Variants in GBA1 observed in about 807,000 individuals in gnomAD.
GBA1 encodes the protein glucosylceramidase beta 1, also known as lysosomal acid glucosylceramidase.
the GBA1 span, among the ~76,000 whole-genome samples, chr1:155,242,071 C>T: frequency 6.6e-6 from 1 of 152,184 alleles, no homozygotes; most frequent in Admixed American, 6.6e-5. Context: ...CAGTCATGAC[C>T]TGACTAATCC....
chr1:155,236,923 G>A, the GBA1 span, among the ~76,000 whole-genome samples: 4 of 152,020 alleles, frequency 2.6e-5, no homozygotes, highest in African/African-American at 9.7e-5. Flanking sequence ...GGAGTGCAGT[G>A]GCGCGATCTC....
the GBA1 span, chr1:155,238,827 G>A: frequency 2.1e-5 from 14 of 674,618 alleles, no homozygotes; most frequent in Non-Finnish European, 3.7e-5. Flanking sequence ...CTGAGCCTGA[G>A]TCCGTAGCAG....
At chr1:155,240,196 G>C in the GBA1 span, 3 of 869,930 alleles carry the variant, frequency 3.4e-6, no homozygotes, top group Middle Eastern at 2.6e-4. Flanking sequence ...GGGCGCAGGG[G>C]CTCACACCTG....
chr1:155,241,932 A>C, the GBA1 span, among the ~76,000 whole-genome samples: 40 of 152,174 alleles, frequency 2.6e-4, no homozygotes, highest in Non-Finnish European at 3.2e-4. Context: ...CAAGACAGGG[A>C]GGTTTGTAAA....
chr1:155,240,239 G>A, the GBA1 span: 4,939 of 660,242 alleles, frequency 7.5e-3, 167 homozygotes, highest in African/African-American at 0.077. Flanking sequence ...CGAGGTGGGC[G>A]GATCACCTGA....
chr1:155,237,208 C>T, the GBA1 span: 1 of 1,508,414 alleles, frequency 6.6e-7, no homozygotes, highest in Admixed American at 2.0e-5. Flanking sequence ...GGATCCATGG[C>T]ACCCTGGAGG....
chr1:155,237,593 G>GT, the GBA1 span: 1 of 1,612,998 alleles, frequency 6.2e-7, no homozygotes, highest in Non-Finnish European at 8.5e-7. Context: ...CAAGAGAAAG[G>GT]TCATGAATGA....
the GBA1 span, chr1:155,239,708 C>G: frequency 6.2e-7 from 1 of 1,614,082 alleles, no homozygotes; most frequent in Non-Finnish European, 8.5e-7. Context: ...CATGGCCCCT[C>G]CAAATCCCTT....
the GBA1 span, among the ~76,000 whole-genome samples, chr1:155,236,787 G>A: frequency 4.0e-5 from 6 of 151,236 alleles, no homozygotes; most frequent in African/African-American, 7.3e-5. Context: ...GTGTGTGTGT[G>A]TATATATATA....
chr1:155,237,130 A>T, the GBA1 span, among the ~76,000 whole-genome samples: 1 of 151,994 alleles, frequency 6.6e-6, no homozygotes, highest in Non-Finnish European at 1.5e-5. Flanking sequence ...TCGGCTTCCC[A>T]AAGTGCTGGG....
chr1:155,241,249 C>T, the GBA1 span: 17 of 802,472 alleles, frequency 2.1e-5, no homozygotes, highest in East Asian at 7.7e-5. Flanking sequence ...CAAGTAATTC[C>T]GGCTTCCCGA....
the GBA1 span, chr1:155,241,268 G>A: frequency 1.4e-6 from 1 of 716,752 alleles, no homozygotes; most frequent in Non-Finnish European, 2.5e-6. Flanking sequence ...GATGTGGATG[G>A]GTCATGTGAT....
At chr1:155,242,258 T>C in the GBA1 span, among the ~76,000 whole-genome samples, 5 of 152,366 alleles carry the variant, frequency 3.3e-5, no homozygotes, top group Admixed American at 1.3e-4. Flanking sequence ...AGTCTCACTC[T>C]GTTGCCCAGG....
At chr1:155,243,693 A>G in the GBA1 span, among the ~76,000 whole-genome samples, 2 of 152,094 alleles carry the variant, frequency 1.3e-5, no homozygotes, top group Non-Finnish European at 2.9e-5. Flanking sequence ...TCAAACTCCT[A>G]AACTCAAAGG....
the GBA1 span, among the ~76,000 whole-genome samples, chr1:155,243,743 G>A: frequency 6.6e-6 from 1 of 152,050 alleles, no homozygotes; most frequent in South Asian, 2.1e-4. Context: ...GGGATTACAG[G>A]GTGAGGCACT....
At chr1:155,244,235 TAA>T in the GBA1 span, 1 of 151,960 alleles carries the variant, frequency 6.6e-6, no homozygotes, top group African/African-American at 2.4e-5. Flanking sequence ...CCGTCTCTAC[TAA>T]AAGATACAAA....
chr1:155,239,226 A>G, the GBA1 span, among the ~76,000 whole-genome samples: 1 of 151,634 alleles, frequency 6.6e-6, no homozygotes, highest in Non-Finnish European at 1.5e-5. Flanking sequence ...TCAAAAAAAA[A>G]AAAAGAAAAA....
the GBA1 span, chr1:155,241,162 C>G: frequency 1.6e-5 from 26 of 1,584,462 alleles, 1 homozygote; most frequent in South Asian, 2.9e-4. Flanking sequence ...TCCAGAGTCT[C>G]TGAAGGATAG....
chr1:155,235,399 C>T, the GBA1 span: 1 of 1,573,872 alleles, frequency 6.4e-7, no homozygotes, highest in East Asian at 2.4e-5. Context: ...GGACCCACCC[C>T]ATAACTCCTG....
Sources: gnomAD v4.1 joint callset for allele counts (sites outside exome capture counted in the v4.1 genomes callset) on GRCh38, gnomAD v4.1.1 for gene constraint, MANE v1.5 for transcripts, NCBI Gene and HGNC (gene_info 2026-07-23, HGNC 2026-07-21) for gene names.